Variants in ANK2 observed in about 807,000 individuals in gnomAD.
ANK2 encodes the protein ankyrin 2, also known as ankyrin-2.
A neutral mutation model predicts 360.5 loss-of-function variants in ANK2; 83 were observed. The ratio of observed to expected loss-of-function variants is 0.23; its 90% CI spans 0.19 to 0.28. The LOEUF (loss-of-function observed/expected upper bound fraction) is 0.28. ANK2 is among the 10% of genes least tolerant of loss of function. The pLI is 1.00. For synonymous variants in ANK2, 1,740 were observed against 1,759.5 expected (o/e 0.99, Z 0.28); for missense variants, 4,201 against 4,795.7 (o/e 0.88, Z 3.66).
At position 113,353,058 on chromosome 4, in the gene ANK2, A is replaced by C. The variant is rs771519001; in HGVS notation, c.4440A>C (p.Glu1480Asp). 1 of 1,613,492 alleles carries C rather than the reference A, an allele frequency of 6.2e-7. No homozygotes were observed. Among genetic ancestry groups the C allele is most frequent in the African/African-American group, 1.3e-5 (1 of 74,894 alleles). Residue 1480 changes from glutamate (E) to aspartate (D), a missense_variant, in exon 38 of 46, where the codon GAA becomes GAC. Physicochemically the swap from Glu to Asp is conservative, Grantham distance 45. Transcript: ENST00000357077. ...TTCACATCAAAGATGATGAGACAGA[A>C]TCTACAGAAACATCTGTCCTGAAAA... ...DMTSEKNDET[E>D]STETSVLKSH... is the part of the protein sequence containing the mutation.
the ANK2 span, among the ~76,000 whole-genome samples, chr4:112,801,129 A>C: frequency 6.6e-5 from 10 of 152,328 alleles, no homozygotes; most frequent in East Asian, 1.2e-3. Flanking sequence ...AGGAGGGCAT[A>C]CATTGACAAC....
the ANK2 span, among the ~76,000 whole-genome samples, chr4:112,771,961 C>T: frequency 0.018 from 2,702 of 152,134 alleles, 95 homozygotes; most frequent in African/African-American, 0.059. Context: ...TAAGGAAGCC[C>T]CTTTCCTCTG....
chr4:112,799,176 C>T, the ANK2 span, among the ~76,000 whole-genome samples: 1 of 152,166 alleles, frequency 6.6e-6, no homozygotes, highest in Non-Finnish European at 1.5e-5. Context: ...AAATAACGTT[C>T]CATTGTATGT....
chr4:112,745,500 A>T, the ANK2 span, among the ~76,000 whole-genome samples: 4 of 148,876 alleles, frequency 2.7e-5, no homozygotes, highest in African/African-American at 9.9e-5. Flanking sequence ...TGTTGTCTGT[A>T]GTCACCCTGT....
chr4:112,979,392 G>T (rs994533184), intron 2 of ANK2, among the ~76,000 whole-genome samples: 1 of 152,110 alleles, frequency 6.6e-6, no homozygotes, highest in Non-Finnish European at 1.5e-5. Context: ...AGATGCCAGG[G>T]ACTGCGGAGC....
chr4:113,099,070 C>G (rs1215582820), intron 1 of ANK2, among the ~76,000 whole-genome samples: 1 of 151,916 alleles, frequency 6.6e-6, no homozygotes, highest in African/African-American at 2.4e-5. Context: ...TGGTGAGAAA[C>G]TAGCTGCTTT....
the ANK2 span, among the ~76,000 whole-genome samples, chr4:112,761,058 C>T: frequency 7.9e-5 from 12 of 151,736 alleles, no homozygotes; most frequent in Admixed American, 5.9e-4. Context: ...CCGCCCGCCT[C>T]GGCCTCCCAA....
the ANK2 span, among the ~76,000 whole-genome samples, chr4:112,712,614 A>G: frequency 1.3e-4 from 20 of 150,770 alleles, no homozygotes; most frequent in East Asian, 1.4e-3. Context: ...TCACCGTGTT[A>G]GCCAGGATGG....
chr4:112,904,010 C>T (rs925542703), intron 1 of ANK2, among the ~76,000 whole-genome samples: 6 of 152,256 alleles, frequency 3.9e-5, no homozygotes, highest in African/African-American at 1.4e-4. Context: ...GTAGGCCACA[C>T]GCATCTGTCA....
At chr4:113,301,139 C>G (rs1333998780) in intron 22 of ANK2, among the ~76,000 whole-genome samples, 2 of 152,078 alleles carry the variant, frequency 1.3e-5, no homozygotes, top group East Asian at 1.9e-4. Flanking sequence ...AGATGTTACT[C>G]TTATGTCAAG....
chr4:113,199,152 A>T (rs762016348), intron 4 of ANK2, 43 bp downstream of exon 4: 1 of 1,471,604 alleles, frequency 6.8e-7, no homozygotes. Flanking sequence ...CATTTAAATT[A>T]GAACAGTTTT....
At chr4:112,877,844 A>G (rs967320666) in intron 1 of ANK2, among the ~76,000 whole-genome samples, 3 of 152,112 alleles carry the variant, frequency 2.0e-5, no homozygotes, top group Non-Finnish European at 2.9e-5. Context: ...TGGATTCTCC[A>G]CCTAGCTAAA....
intron 2 of ANK2, among the ~76,000 whole-genome samples, chr4:113,177,245 T>A (rs1272581424): frequency 4.0e-5 from 6 of 151,618 alleles, no homozygotes; most frequent in African/African-American, 1.2e-4. Context: ...CACGCCCGGC[T>A]AATTTTTTGT....
At chr4:112,953,635 A>G (rs772474841) in intron 2 of ANK2, among the ~76,000 whole-genome samples, 1 of 152,232 alleles carries the variant, frequency 6.6e-6, no homozygotes, top group Non-Finnish European at 1.5e-5. Flanking sequence ...ATAGTTATTA[A>G]TTTCCATTTA....
At chr4:112,981,787 G>C (rs2043190236) in intron 2 of ANK2, among the ~76,000 whole-genome samples, 2 of 152,178 alleles carry the variant, frequency 1.3e-5, no homozygotes, top group Non-Finnish European at 2.9e-5. Context: ...GTTTGGGCTG[G>C]AGATAGGAAT....
upstream of ANK2, among the ~76,000 whole-genome samples, chr4:113,045,133 C>T (rs1013183000): frequency 4.6e-5 from 7 of 152,140 alleles, no homozygotes; most frequent in African/African-American, 1.7e-4. Flanking sequence ...CTTTACCTCA[C>T]TCAAATAATG....
At chr4:112,972,977 C>G (rs1240244377) in intron 2 of ANK2, among the ~76,000 whole-genome samples, 1 of 151,994 alleles carries the variant, frequency 6.6e-6, no homozygotes, top group Non-Finnish European at 1.5e-5. Context: ...TATGAGGATG[C>G]AAAGGCATAA....
chr4:113,246,577 TGTG>T (rs1374817754), intron 9 of ANK2, among the ~76,000 whole-genome samples: 3 of 152,182 alleles, frequency 2.0e-5, no homozygotes, highest in Admixed American at 6.5e-5. Context: ...ATTATTTAAA[TGTG>T]GTGATACCGC....
the ANK2 span, among the ~76,000 whole-genome samples, chr4:112,756,281 T>G: frequency 3.4e-5 from 5 of 146,886 alleles, 1 homozygote; most frequent in African/African-American, 1.4e-4. Context: ...TCCAGAGCAC[T>G]TGGCTCTCTC....
Sources: allele counts gnomAD v4.1 joint callset (sites outside exome capture counted in the v4.1 genomes callset), GRCh38; gene constraint gnomAD v4.1.1; transcripts MANE v1.5; gene names NCBI Gene and HGNC (gene_info 2026-07-23, HGNC 2026-07-21).